MANEAL: variants seen among roughly 807,000 people sequenced by gnomAD.
MANEAL encodes glycoprotein endo-alpha-1,2-mannosidase-like protein.
A neutral mutation model predicts 35.9 loss-of-function variants in MANEAL; 28 were observed. The observed-to-expected ratio is 0.78, with a 90% CI of 0.58 to 1.07. The LOEUF (loss-of-function observed/expected upper bound fraction) is 1.07, where lower values mean the gene tolerates loss of function less well. Ranked by LOEUF, MANEAL falls within the 50% of genes least tolerant of loss-of-function variation. MANEAL has a pLI of 0.00. For missense variants in MANEAL, 576 were observed against 629.6 expected (o/e 0.91, Z 0.91); for synonymous variants, 286 against 272.2 (o/e 1.05, Z -0.50).
chr1:37,794,316 C>A lies in MANEAL; in HGVS notation c.134C>A (p.Ala45Glu). ...LPALGPGLEL[A>E]PFERRPEGAP... is the part of the protein sequence containing the mutation. Reference sequence around the variant, plus strand: ...GCGCTGGGCCCGGGCCTGGAGCTGGCGCCCTTTGAGCGACGCCCAGAGGGG... The same window carrying A: ...GCGCTGGGCCCGGGCCTGGAGCTGGAGCCCTTTGAGCGACGCCCAGAGGGG... The change falls in exon 1 of 4, where the codon GCG becomes GAG. Residue 45 changes from alanine (A) to glutamate (E), a missense_variant. This residue lies in a region of MANEAL where 122 missense variants were observed against 97.2 expected (regional missense o/e 1.26). Transcript: ENST00000373045. The surrounding 1 kb of genome is among the most constrained non-coding windows in gnomAD (Gnocchi z 5.7). 4 of 1,153,548 alleles carry A rather than the reference C, an allele frequency of 3.5e-6. No individual in the cohort carries two copies. The highest frequency in any genetic ancestry group is 4.3e-6 in the Non-Finnish European group (4 of 934,192). The allele number at this position is 1,153,548 out of a possible 1,614,324, so 71.5% of individuals were successfully genotyped here. A position where few individuals can be genotyped will look rare whatever the true frequency, so the allele number is the denominator to read the frequency against.
At chr1:37,797,867 C>T (rs1029729160) in intron 3 of MANEAL, among the ~76,000 whole-genome samples, 2 of 152,080 alleles carry the variant, frequency 1.3e-5, no homozygotes, top group African/African-American at 2.4e-5. Context: ...GTTGGGATTA[C>T]AGGTGTGAAC....
At position 37,799,515 on chromosome 1, in the gene MANEAL, C is replaced by G; in HGVS notation, c.738-52C>G. 1.3e-6 allele frequency: 2 copies of G among 1,568,628 alleles called. No homozygotes were observed. The highest frequency in any genetic ancestry group is 3.6e-5 in the Admixed American group (2 of 56,140). On this transcript the variant is annotated intron_variant, in intron 3 of 3. Coordinates refer to ENST00000373045, the MANE Select transcript of MANEAL (RefSeq NM_001113482.2). The surrounding 1 kb of genome is among the most constrained non-coding windows in gnomAD (Gnocchi z 4.1). ...CGTATCTCATCCACGGGAGGTCCTA[C>G]AGCTGTGCTGGTCTCTCCCATCCAG... is the stretch of plus-strand genomic sequence containing the variant.
chr1:37,794,265 C>T lies in MANEAL; in HGVS notation c.83C>T (p.Thr28Met). Residue 28 changes from threonine to methionine, a missense_variant, in exon 1 of 4, where the codon ACG becomes ATG. Transcript: ENST00000373045. The surrounding 1 kb of genome is among the most constrained non-coding windows in gnomAD (Gnocchi z 5.7). ...FAFGTLMGLR[T>M]LKAPDGLPAL... ...TTCGGCACCCTCATGGGTCTGCGCA[C>T]GCTCAAGGCTCCGGACGGACTCCCG... The T allele has an allele frequency of 7.7e-7, 1 of 1,303,476 alleles. No homozygotes were observed. Among genetic ancestry groups the T allele is most frequent in the Non-Finnish European group, 9.9e-7 (1 of 1,010,230 alleles). The allele number at this position is 1,303,476 out of a possible 1,614,324, so 80.7% of individuals were successfully genotyped here.
chr1:37,795,312 A>T (rs1283027084), intron 1 of MANEAL: 1 of 199,406 alleles, frequency 5.0e-6, no homozygotes, highest in Non-Finnish European at 9.6e-6. Flanking sequence ...AGGCTCACTT[A>T]TTTCGGATTT....
At chr1:37,796,419 T>G (rs1646645417) in intron 2 of MANEAL, among the ~76,000 whole-genome samples, 1 of 152,226 alleles carries the variant, frequency 6.6e-6, no homozygotes, top group Non-Finnish European at 1.5e-5. Flanking sequence ...AGTTTTCCAC[T>G]GACACAGCTT....
Position 37,799,981 on chromosome 1 carries a change from T to C in MANEAL, c.1152T>C (p.Tyr384=), listed in dbSNP as rs41267339. The C allele has an allele frequency of 0.024, 38,092 of 1,614,216 alleles. 554 individuals are homozygous for C. Among genetic ancestry groups the C allele is most frequent in the Non-Finnish European group, 0.03 (34,833 of 1,180,040 alleles). Residue 384 remains tyrosine (Y), a synonymous_variant, in exon 4 of 4, where the codon TAT becomes TAC. Coordinates refer to ENST00000373045, the MANE Select transcript of MANEAL (RefSeq NM_001113482.2). This position sits in a 1 kb window ranked among gnomAD's most constrained non-coding sequence, Gnocchi z 4.1. Reference sequence around the variant, plus strand: ...GCAACAGGGTCAATGGCAAGTACTATGAGACGGCCCTGCAGGCGGCCCTGA... The same window carrying C: ...GCAACAGGGTCAATGGCAAGTACTACGAGACGGCCCTGCAGGCGGCCCTGA... ...NTRNRVNGKY[Y]ETALQAALTV... is the part of the protein sequence containing the mutation.
intron 3 of MANEAL, among the ~76,000 whole-genome samples, chr1:37,798,092 A>C (rs914105519): frequency 2.7e-5 from 4 of 150,674 alleles, no homozygotes; most frequent in Non-Finnish European, 4.4e-5. Context: ...TTGAGGTTAC[A>C]GTTAGCCACA....
At position 37,794,287 on chromosome 1, in the gene MANEAL, C is replaced by T; in HGVS notation, c.105C>T (p.Leu35=). The T allele has an allele frequency of 1.6e-6, 2 of 1,243,404 alleles. No individual in the cohort carries two copies. The highest frequency in any genetic ancestry group is 4.2e-5 in the East Asian group (1 of 23,972). The allele number at this position is 1,243,404 out of a possible 1,614,324, so 77.0% of individuals were successfully genotyped here. The change falls in exon 1 of 4, where the codon CTC becomes CTT. Residue 35 remains leucine (L), a synonymous_variant. Transcript: ENST00000373045. The surrounding 1 kb of genome is among the most constrained non-coding windows in gnomAD (Gnocchi z 5.7). ...GCACGCTCAAGGCTCCGGACGGACT[C>T]CCGGCGCTGGGCCCGGGCCTGGAGC... ...GLRTLKAPDG[L]PALGPGLELA...
In MANEAL at chr1:37,800,740, C is replaced by T. The variant is rs1167098997; in HGVS notation, c.*537C>T. 6.2e-6 allele frequency: 1 copy of T among 160,662 alleles called. No homozygotes were observed. The highest frequency in any genetic ancestry group is 1.4e-5 in the Non-Finnish European group (1 of 72,542). The allele number at this position is 160,662 out of a possible 1,614,324, so 10.0% of individuals were successfully genotyped here. ...CTGAACCCAATTATCAGGAAATCAT[C>T]CTGAGCACTCACAGGTTCATTTAAC... On this transcript the variant is annotated 3_prime_UTR_variant, in exon 4 of 4. Coordinates refer to ENST00000373045, the MANE Select transcript of MANEAL (RefSeq NM_001113482.2).
intron 3 of MANEAL, among the ~76,000 whole-genome samples, chr1:37,798,908 G>A (rs557754315): frequency 4.0e-5 from 6 of 151,670 alleles, no homozygotes; most frequent in African/African-American, 9.7e-5. Context: ...GTATGGTAGC[G>A]GGTGCCTGTA....
In MANEAL at chr1:37,799,567, G is replaced by T; in HGVS notation, c.738G>T (p.Thr246=). Residue 246 remains threonine, a splice_region_variant and synonymous_variant, in exon 4 of 4, where the codon ACG becomes ACT. Coordinates refer to ENST00000373045, the MANE Select transcript of MANEAL (RefSeq NM_001113482.2). This position sits in a 1 kb window ranked among gnomAD's most constrained non-coding sequence, Gnocchi z 4.1. ...TGAGGCTCTTCTTTCTCCTTCTCAG[G>T]TATGGCTCCCATGGTGCATTTTACC... ...VHDNIKYIID[T]YGSHGAFYRY... is the part of the protein sequence containing the mutation. 1 of 1,611,978 alleles carries T rather than the reference G, an allele frequency of 6.2e-7. No homozygotes were observed. Among genetic ancestry groups the T allele is most frequent in the Non-Finnish European group, 8.5e-7 (1 of 1,178,622 alleles).
Position 37,800,371 on chromosome 1 carries a change from G to A in MANEAL, c.*168G>A, listed in dbSNP as rs925779327. 1.6e-5 allele frequency: 12 copies of A among 771,328 alleles called. No individual in the cohort carries two copies. The highest frequency in any genetic ancestry group is 3.8e-4 in the Middle Eastern group (1 of 2,618). The allele number at this position is 771,328 out of a possible 1,614,324, so 47.8% of individuals were successfully genotyped here. On this transcript the variant is annotated 3_prime_UTR_variant, in exon 4 of 4. Coordinates refer to ENST00000373045, the MANE Select transcript of MANEAL (RefSeq NM_001113482.2). ...CATGGGCCTGTGCAACACAGAGCCC[G>A]TTCCTCAGGCGAGTGGTGCTGAGGT...
Position 37,799,724 on chromosome 1 carries a change from G to A in MANEAL, c.895G>A (p.Gly299Arg), listed in dbSNP as rs1247469212. The A allele has an allele frequency of 6.2e-7, 1 of 1,614,244 alleles. No homozygotes were observed. Among genetic ancestry groups the A allele is most frequent in the South Asian group, 1.1e-5 (1 of 91,084 alleles). The change falls in exon 4 of 4, where the codon GGG becomes AGG. Residue 299 changes from glycine to arginine, a missense_variant. Physicochemically the swap from Gly to Arg is moderately radical, Grantham distance 125. Transcript: ENST00000373045. This position sits in a 1 kb window ranked among gnomAD's most constrained non-coding sequence, Gnocchi z 4.1. ...PHSIRNTPYD[G>R]VFIALLVEEG... The stretch of plus-strand genomic sequence containing the variant: ...TTCGATCCGCAACACGCCCTACGAT[G>A]GGGTCTTCATAGCGCTGCTGGTGGA...
At position 37,794,292 on chromosome 1, in the gene MANEAL, C is replaced by T. The variant is rs1646623562; in HGVS notation, c.110C>T (p.Ala37Val). The T allele has an allele frequency of 2.4e-6, 3 of 1,231,970 alleles. No individual in the cohort carries two copies. Among genetic ancestry groups the T allele is most frequent in the Admixed American group, 7.6e-5 (2 of 26,342 alleles). 76.3% of individuals were successfully genotyped at this position (1,231,970 alleles called of 1,614,324 possible). A position where few individuals can be genotyped will look rare whatever the true frequency, so the allele number is the denominator to read the frequency against. Residue 37 changes from alanine to valine, a missense_variant, in exon 1 of 4, where the codon GCG becomes GTG. By Grantham distance (64) the Ala-to-Val change is moderately conservative (BLOSUM62 0). Transcript: ENST00000373045. The surrounding 1 kb of genome is among the most constrained non-coding windows in gnomAD (Gnocchi z 5.7). ...CTCAAGGCTCCGGACGGACTCCCGG[C>T]GCTGGGCCCGGGCCTGGAGCTGGCG... Reference protein sequence around the residue: ...RTLKAPDGLPALGPGLELAPF... With the variant: ...RTLKAPDGLPVLGPGLELAPF...
intron 2 of MANEAL, 99 bp downstream of exon 2, chr1:37,795,945 T>G (rs1480970714): frequency 9.8e-7 from 1 of 1,024,396 alleles, no homozygotes; most frequent in Non-Finnish European, 1.5e-6. Context: ...TTCTTGGCAG[T>G]AGCCCAAAGG....
intron 1 of MANEAL, 131 bp from the exon 2 acceptor site, chr1:37,795,606 G>A (rs576708959): frequency 5.1e-4 from 768 of 1,510,004 alleles, no homozygotes; most frequent in Non-Finnish European, 6.3e-4. Context: ...TCTGCAGGAA[G>A]TGAACCTGGC....
chr1:37,800,226 G>A lies in MANEAL; in HGVS notation c.*23G>A, dbSNP rs1646686797. ...TGAGGGGCCTGTAAATGGGCGTGAG[G>A]TGCTGATGTCCTTGCCTTGCTGGAA... On this transcript the variant is annotated 3_prime_UTR_variant, in exon 4 of 4. Transcript: ENST00000373045. The A allele has an allele frequency of 6.2e-7, 1 of 1,605,330 alleles. No homozygotes were observed. The highest frequency in any genetic ancestry group is 1.1e-5 in the South Asian group (1 of 90,988).
chr1:37,796,664 C>G, intron 2 of MANEAL, 80 bp from the exon 3 acceptor site: 1 of 1,324,166 alleles, frequency 7.6e-7, no homozygotes, highest in Non-Finnish European at 1.1e-6. Flanking sequence ...CTCCTCCAGG[C>G]CATGGTTAGA....
rs896623359 is a variant in MANEAL at position 37,800,967 on chromosome 1, T to C, written c.*764T>C. The C allele has an allele frequency of 1.3e-5, 2 of 152,666 alleles. No individual in the cohort carries two copies. Among genetic ancestry groups the C allele is most frequent in the African/African-American group, 2.4e-5 (1 of 41,452 alleles). The allele number at this position is 152,666 out of a possible 1,614,324, so 9.5% of individuals were successfully genotyped here. A position where few individuals can be genotyped will look rare whatever the true frequency, so the allele number is the denominator to read the frequency against. On this transcript the variant is annotated 3_prime_UTR_variant, in exon 4 of 4. Coordinates refer to ENST00000373045, the MANE Select transcript of MANEAL (RefSeq NM_001113482.2). ...TCTTTTTCCTCTAGAAAAATACCTC[T>C]GTGCTCCAGAGCCTAATTTTTCCCA...
Sources: gnomAD v4.1 joint callset for allele counts (sites outside exome capture counted in the v4.1 genomes callset) on GRCh38, gnomAD v4.1.1 for gene constraint, gnomAD v4.1.1 regional missense constraint, Gnocchi (gnomAD v3.1) non-coding constraint, MANE v1.5 for transcripts, NCBI Gene and HGNC (gene_info 2026-07-23, HGNC 2026-07-21) for gene names.